Variants in TMEM132D observed in about 807,000 individuals in gnomAD.
TMEM132D encodes transmembrane protein 132D.
A neutral mutation model predicts 62.3 loss-of-function variants in TMEM132D; 21 were observed. The observed-to-expected ratio is 0.34, with a 90% confidence interval of 0.24 to 0.49. TMEM132D has a LOEUF of 0.49. Among genes scored for constraint, TMEM132D ranks in the 20% least tolerant of loss-of-function variants. The probability of loss-of-function intolerance (pLI) is 0.99; values close to 1 mark genes in which losing one functional copy is unlikely to be tolerated. For missense variants in TMEM132D, 1,346 were observed against 1,402.8 expected, an observed-to-expected ratio of 0.96 and a Z score of 0.65; for synonymous variants, 621 against 575.6, an observed-to-expected ratio of 1.08 and a Z score of -1.13.
chr12:129,723,423 T>G (rs182520347), intron 1 of TMEM132D, among the ~76,000 whole-genome samples: 12 of 152,304 alleles, frequency 7.9e-5, no homozygotes, highest in Admixed American at 5.2e-4. Flanking sequence ...CCTCTATTGA[T>G]GCATCACCCA....
chr12:129,356,798 A>G (rs1870070494), intron 3 of TMEM132D, among the ~76,000 whole-genome samples: 1 of 151,414 alleles, frequency 6.6e-6, no homozygotes, highest in Admixed American at 6.6e-5. Context: ...CTGGGAGGTC[A>G]AGGCAGCAGT....
intron 2 of TMEM132D, among the ~76,000 whole-genome samples, chr12:129,585,168 T>C (rs1877988876): frequency 6.6e-6 from 1 of 152,154 alleles, no homozygotes; most frequent in Non-Finnish European, 1.5e-5. Flanking sequence ...TGGCATTTCA[T>C]CCATATTAAG....
At chr12:129,871,522 T>C (rs1047527696) in intron 1 of TMEM132D, among the ~76,000 whole-genome samples, 2 of 152,100 alleles carry the variant, frequency 1.3e-5, no homozygotes, top group African/African-American at 4.8e-5. Context: ...TTTCTGTCAC[T>C]TGCATCTGAA....
intron 2 of TMEM132D, among the ~76,000 whole-genome samples, chr12:129,597,955 G>A (rs1439227221): frequency 1.3e-5 from 2 of 152,014 alleles, no homozygotes; most frequent in Admixed American, 6.6e-5. Context: ...ATTTGAATGA[G>A]GTCAGAAGCA....
rs147040707 is a variant in TMEM132D at position 129,404,880 on chromosome 12, C to G, written c.1116-67063G>C. ...CATGAGGTTTGCAGGGACACAGATC[C>G]AAACCCCATCAGGAAGCTGCCTGAC... On this transcript the variant is annotated intron_variant, in intron 3 of 8. Transcript: ENST00000422113. Among the ~76,000 whole-genome samples the G allele has an allele frequency of 5.0e-3, 760 of 152,174 alleles. 4 individuals are homozygous for G. Among genetic ancestry groups the G allele is most frequent in the Non-Finnish European group, 7.0e-3 (476 of 68,016 alleles).
intron 2 of TMEM132D, among the ~76,000 whole-genome samples, chr12:129,553,785 G>A (rs915322457): frequency 1.3e-5 from 2 of 152,116 alleles, no homozygotes; most frequent in African/African-American, 2.4e-5. Context: ...CAGTTCCCTG[G>A]TCATGCTATT....
Position 129,883,443 on chromosome 12 carries a change from T to C in TMEM132D, c.79+19818A>G, listed in dbSNP as rs181105225. ...GAACTCATTATTATTAAGATGGCAGTTCTCATTATCATTGAGGTGGATTTT... is the reference window on the plus strand; with the variant it reads ...GAACTCATTATTATTAAGATGGCAGCTCTCATTATCATTGAGGTGGATTTT... On this transcript the variant is annotated intron_variant, in intron 1 of 8. Coordinates refer to ENST00000422113, the MANE Select transcript of TMEM132D (RefSeq NM_133448.3). Among the ~76,000 whole-genome samples the C allele has an allele frequency of 1.5e-3, 233 of 152,298 alleles. 1 individual carries two copies. The highest frequency in any genetic ancestry group is 5.5e-3 in the African/African-American group (229 of 41,562).
chr12:129,412,891 A>G (rs1274931061), intron 3 of TMEM132D, among the ~76,000 whole-genome samples: 1 of 152,126 alleles, frequency 6.6e-6, no homozygotes, highest in Non-Finnish European at 1.5e-5. Context: ...AGAAAGCCAC[A>G]CTTTTAGGAT....
intron 4 of TMEM132D, among the ~76,000 whole-genome samples, chr12:129,323,235 C>T (rs1868778798): frequency 6.6e-6 from 1 of 152,060 alleles, no homozygotes; most frequent in Non-Finnish European, 1.5e-5. Flanking sequence ...ATTTACCTTA[C>T]TCGTGTTTTT....
chr12:129,545,643 C>T (rs1477744453), intron 2 of TMEM132D, among the ~76,000 whole-genome samples: 4 of 152,282 alleles, frequency 2.6e-5, no homozygotes, highest in South Asian at 2.1e-4. Flanking sequence ...CCTCTGGCAA[C>T]CAACACGCTA....
chr12:129,086,192 A>ATG lies in TMEM132D; in HGVS notation c.1444-1491_1444-1490insCA, dbSNP rs1401578579. ...CACATATCCATCACCTCACATAGTC[A>ATG]CGCGCGCGCGTGTGTGTGTGTGTGT... On this transcript the variant is annotated intron_variant, in intron 5 of 8. Transcript: ENST00000422113. Among the ~76,000 whole-genome samples, 950 of 130,264 alleles carry ATG rather than the reference A, an allele frequency of 7.3e-3. 7 individuals carry two copies. The highest frequency in any genetic ancestry group is 0.03 in the African/African-American group (906 of 30,552). The allele number at this position is 130,264 out of a possible 152,430, so 85.5% of individuals were successfully genotyped here. A position where few individuals can be genotyped will look rare whatever the true frequency, so the allele number is the denominator to read the frequency against.
At chr12:129,598,840 T>C (rs567222940) in intron 2 of TMEM132D, among the ~76,000 whole-genome samples, 2 of 152,302 alleles carry the variant, frequency 1.3e-5, no homozygotes, top group South Asian at 2.1e-4. Flanking sequence ...TGTCCCTCAC[T>C]GGGAGTACAT....
intron 3 of TMEM132D, among the ~76,000 whole-genome samples, chr12:129,426,997 C>G (rs1255953634): frequency 2.6e-5 from 4 of 152,202 alleles, no homozygotes; most frequent in Non-Finnish European, 4.4e-5. Context: ...TTTACTAAAG[C>G]TTAATTTGCT....
At chr12:129,740,051 T>C (rs1222826198) in intron 1 of TMEM132D, among the ~76,000 whole-genome samples, 2 of 152,188 alleles carry the variant, frequency 1.3e-5, no homozygotes, top group African/African-American at 4.8e-5. Flanking sequence ...CCTCTCCTAA[T>C]GTGGCCTCTC....
intron 4 of TMEM132D, among the ~76,000 whole-genome samples, chr12:129,290,337 T>C (rs1881414776): frequency 6.6e-6 from 1 of 151,398 alleles, no homozygotes; most frequent in South Asian, 2.1e-4. Context: ...TTTACGTGAG[T>C]GAGAAACAGG....
intron 3 of TMEM132D, among the ~76,000 whole-genome samples, chr12:129,341,784 G>A (rs1566038887): frequency 6.6e-6 from 1 of 151,822 alleles, no homozygotes; most frequent in Non-Finnish European, 1.5e-5. Context: ...ACCAATAACA[G>A]ACAAACAGAG....
intron 4 of TMEM132D, among the ~76,000 whole-genome samples, chr12:129,257,332 G>A (rs998834957): frequency 4.7e-5 from 7 of 150,256 alleles, no homozygotes; most frequent in African/African-American, 7.4e-5. Context: ...TTAGCCTCCC[G>A]AGTAGCTGGG....
At chr12:129,464,679 T>G (rs1873821576) in intron 3 of TMEM132D, among the ~76,000 whole-genome samples, 1 of 152,228 alleles carries the variant, frequency 6.6e-6, no homozygotes, top group Non-Finnish European at 1.5e-5. Flanking sequence ...CAGTTTCAGC[T>G]TCCTACATAT....
At chr12:129,354,513 G>A (rs1465990698) in intron 3 of TMEM132D, among the ~76,000 whole-genome samples, 5 of 152,096 alleles carry the variant, frequency 3.3e-5, no homozygotes, top group East Asian at 1.9e-4. Flanking sequence ...TAGTAGAGAC[G>A]AGGTTTCACC....
Sources: gnomAD v4.1 joint callset for allele counts (sites outside exome capture counted in the v4.1 genomes callset) on GRCh38, gnomAD v4.1.1 for gene constraint, MANE v1.5 for transcripts, NCBI Gene and HGNC (gene_info 2026-07-23, HGNC 2026-07-21) for gene names.